TBC1D16: variants seen among roughly 807,000 people sequenced by gnomAD.
The protein encoded by TBC1D16 is TBC1 domain family member 16.
In TBC1D16, 58 loss-of-function variants were observed where a neutral mutation model predicts 74.7. The observed-to-expected ratio is 0.78, with a 90% CI of 0.63 to 0.97. The LOEUF (loss-of-function observed/expected upper bound fraction) is 0.97, where lower values mean the gene tolerates loss of function less well. Ranked by LOEUF, TBC1D16 falls within the 50% of genes least tolerant of loss-of-function variation. The pLI is 0.00. For synonymous variants in TBC1D16, 493 were observed against 474.7 expected (o/e 1.04, Z -0.50); for missense variants, 1,014 against 1,079.5 (o/e 0.94, Z 0.85).
At chr17:79,973,060 C>A (rs1276482239) in intron 3 of TBC1D16, among the ~76,000 whole-genome samples, 5 of 152,116 alleles carry the variant, frequency 3.3e-5, no homozygotes, top group Non-Finnish European at 7.4e-5. Context: ...CCAGCCTGGG[C>A]AACAGAGCGA....
chr17:79,992,710 A>C (rs1271929768), intron 3 of TBC1D16: 1 of 152,172 alleles, frequency 6.6e-6, no homozygotes, highest in Middle Eastern at 3.2e-3. Context: ...TCCTCCGGTG[A>C]CCACATATCT....
rs1262722757 is a variant in TBC1D16, at chr17:79,935,919, C to A, written c.*4940G>T. 1.3e-5 allele frequency: 2 copies of A among 151,882 alleles called. No individual in the cohort carries two copies. Among genetic ancestry groups the A allele is most frequent in the African/African-American group, 4.8e-5 (2 of 41,454 alleles). 9.4% of individuals were successfully genotyped at this position (151,882 alleles called of 1,614,324 possible). A position where few individuals can be genotyped will look rare whatever the true frequency, so the allele number is the denominator to read the frequency against. On this transcript the variant is annotated 3_prime_UTR_variant, in exon 12 of 12. Coordinates refer to ENST00000310924, the MANE Select transcript of TBC1D16 (RefSeq NM_019020.4). ...GAAAGATGGTTGCATGACTTGACCTCTCTTTGAACTTGAAATGCTACCTTC... is the reference window on the plus strand; with the variant it reads ...GAAAGATGGTTGCATGACTTGACCTATCTTTGAACTTGAAATGCTACCTTC...
At chr17:79,953,624 G>C (rs2033187650) in intron 3 of TBC1D16, among the ~76,000 whole-genome samples, 1 of 152,206 alleles carries the variant, frequency 6.6e-6, no homozygotes, top group African/African-American at 2.4e-5. Context: ...CTGTGCAGCT[G>C]TCTGCAGTTC....
chr17:79,991,518 G>A (rs2035056940), intron 3 of TBC1D16, among the ~76,000 whole-genome samples: 1 of 152,184 alleles, frequency 6.6e-6, no homozygotes, highest in East Asian at 1.9e-4. Context: ...TGACCAGGGG[G>A]ACCTGGCCCA....
chr17:79,941,565 C>T lies in TBC1D16; in HGVS notation c.2056-458G>A, dbSNP rs371845611. On this transcript the variant is annotated intron_variant, in intron 11 of 11. Coordinates refer to ENST00000310924, the MANE Select transcript of TBC1D16 (RefSeq NM_019020.4). This position sits in a 1 kb window ranked among gnomAD's most constrained non-coding sequence, Gnocchi z 4.3. ...CAGAGGACACCACCGACCTCGGGACCCCCGCTCAGTGCCCTGAGGACCACC... is the reference window on the plus strand; with the variant it reads ...CAGAGGACACCACCGACCTCGGGACTCCCGCTCAGTGCCCTGAGGACCACC... 6.6e-6 allele frequency among the ~76,000 whole-genome samples: 1 copy of T among 152,154 alleles called. No homozygotes were observed. The highest frequency in any genetic ancestry group is 1.5e-5 in the Non-Finnish European group (1 of 67,998).
At chr17:79,962,201 A>ATTTT (rs563506473) in intron 3 of TBC1D16, among the ~76,000 whole-genome samples, 3 of 64,922 alleles carry the variant, frequency 4.6e-5, no homozygotes, top group Non-Finnish European at 5.5e-5. Flanking sequence ...ATCTCAACCT[A>ATTTT]TTTTTTTTTT....
rs773023120 is a variant in TBC1D16 at position 79,948,858 on chromosome 17, T to C, written c.1541+14A>G. On this transcript the variant is annotated intron_variant, in intron 8 of 11. Transcript: ENST00000310924. ...ACTTGCAGATGGGAAAGGAGCTGGC[T>C]GGGGAGGGAGTACCTCATGCTCTCC... 7.4e-6 allele frequency: 12 copies of C among 1,613,894 alleles called. No individual in the cohort carries two copies. The highest frequency in any genetic ancestry group is 5.0e-5 in the Admixed American group (3 of 60,002).
intron 3 of TBC1D16, among the ~76,000 whole-genome samples, chr17:79,965,809 C>T (rs2033818308): frequency 1.3e-5 from 2 of 152,230 alleles, no homozygotes; most frequent in African/African-American, 2.4e-5. Context: ...CCACTTCTCC[C>T]CTTCACCCCT....
chr17:79,944,589 G>A lies in TBC1D16; in HGVS notation c.1908+319C>T, dbSNP rs1034793413. ...CTGGCTCACGCTCGTGGGCACCAGCGTCCTGGGCTGCTGTGGCCTAGTGTA... is the reference window on the plus strand; with the variant it reads ...CTGGCTCACGCTCGTGGGCACCAGCATCCTGGGCTGCTGTGGCCTAGTGTA... On this transcript the variant is annotated intron_variant, in intron 10 of 11. Transcript: ENST00000310924. The surrounding 1 kb of genome is among the most constrained non-coding windows in gnomAD (Gnocchi z 7.7). 6.6e-6 allele frequency among the ~76,000 whole-genome samples: 1 copy of A among 152,174 alleles called. No homozygotes were observed. Among genetic ancestry groups the A allele is most frequent in the Non-Finnish European group, 1.5e-5 (1 of 68,024 alleles).
Position 79,971,687 on chromosome 17 carries a change from AG to A in TBC1D16, c.780-18870del, listed in dbSNP as rs1350772980. ...TCTCTACAACAGTCAACTTCTCTCA[AG>A]GAAGACCTGAGGAAGCTGGTGCCCG... On this transcript the variant is annotated intron_variant, in intron 3 of 11. Transcript: ENST00000310924. The surrounding 1 kb of genome is among the most constrained non-coding windows in gnomAD (Gnocchi z 4.6). 2.6e-5 allele frequency among the ~76,000 whole-genome samples: 4 copies of A among 152,218 alleles called. No individual in the cohort carries two copies. The highest frequency in any genetic ancestry group is 5.9e-5 in the Non-Finnish European group (4 of 68,038).
rs2034467403 is a variant in TBC1D16, at chr17:79,979,136, G to T, written c.780-26318C>A. ...CACGCTCTCAGCCTGTCCATCAGCAGCACACCTGGGAGATTCTGCCCAACC... is the reference window on the plus strand; with the variant it reads ...CACGCTCTCAGCCTGTCCATCAGCATCACACCTGGGAGATTCTGCCCAACC... On this transcript the variant is annotated intron_variant, in intron 3 of 11. Coordinates refer to ENST00000310924, the MANE Select transcript of TBC1D16 (RefSeq NM_019020.4). This position sits in a 1 kb window ranked among gnomAD's most constrained non-coding sequence, Gnocchi z 4.8. 6.6e-6 allele frequency among the ~76,000 whole-genome samples: 1 copy of T among 152,234 alleles called. No individual in the cohort carries two copies. The highest frequency in any genetic ancestry group is 2.4e-5 in the African/African-American group (1 of 41,464).
chr17:79,974,151 G>A (rs1296085185), intron 3 of TBC1D16, among the ~76,000 whole-genome samples: 1 of 152,232 alleles, frequency 6.6e-6, no homozygotes, highest in Non-Finnish European at 1.5e-5. Flanking sequence ...GCGGGATGGA[G>A]GGGGAGGGTA....
rs1438236650 is a variant in TBC1D16 at position 79,985,980 on chromosome 17, C to T, written c.779+24180G>A. Among the ~76,000 whole-genome samples, 1 of 152,252 alleles carries T rather than the reference C, an allele frequency of 6.6e-6. No individual in the cohort carries two copies. Among genetic ancestry groups the T allele is most frequent in the Non-Finnish European group, 1.5e-5 (1 of 68,044 alleles). On this transcript the variant is annotated intron_variant, in intron 3 of 11. Transcript: ENST00000310924. The surrounding 1 kb of genome is among the most constrained non-coding windows in gnomAD (Gnocchi z 4.9). ...TGAAAAACCATTTTTCCCAACGAAA[C>T]TCTTCTGCCAGGCGGCATAAGGGGC...
In TBC1D16 at chr17:79,983,007, C is replaced by T. The variant is rs549339415; in HGVS notation, c.779+27153G>A. On this transcript the variant is annotated intron_variant, in intron 3 of 11. Coordinates refer to ENST00000310924, the MANE Select transcript of TBC1D16 (RefSeq NM_019020.4). The surrounding 1 kb of genome is among the most constrained non-coding windows in gnomAD (Gnocchi z 5.6). The stretch of plus-strand genomic sequence containing the variant: ...TGAACCTGCGTCATCCACGTTTGTG[C>T]GGAATCCCTGTGTGTGTGCACACGC... 9.8e-5 allele frequency among the ~76,000 whole-genome samples: 15 copies of T among 152,324 alleles called. No individual in the cohort carries two copies. In the South Asian group the frequency reaches 1.0e-3, roughly 11 times the overall value.
rs1039927574 is a variant in TBC1D16 at position 79,937,400 on chromosome 17, C to G, written c.*3459G>C. 1 of 144,830 alleles carries G rather than the reference C, an allele frequency of 6.9e-6. No individual in the cohort carries two copies. Among genetic ancestry groups the G allele is most frequent in the Non-Finnish European group, 1.5e-5 (1 of 65,200 alleles). The allele number at this position is 144,830 out of a possible 1,614,324, so 9.0% of individuals were successfully genotyped here. On this transcript the variant is annotated 3_prime_UTR_variant, in exon 12 of 12. Transcript: ENST00000310924. ...AGCATCTTCATCTTGTCCTGATGCCCTGCCCACCCCCGCCGAGCTTCACAC... is the reference window on the plus strand; with the variant it reads ...AGCATCTTCATCTTGTCCTGATGCCGTGCCCACCCCCGCCGAGCTTCACAC...
rs1023494663 is a variant in TBC1D16 at position 79,961,599 on chromosome 17, C to G, written c.780-8781G>C. Reference sequence around the variant, plus strand: ...AGAACTGGCCAGGCACAGTGGCTCACGCCTATAATCCCAGCACTTTGGGAG... The same window carrying G: ...AGAACTGGCCAGGCACAGTGGCTCAGGCCTATAATCCCAGCACTTTGGGAG... On this transcript the variant is annotated intron_variant, in intron 3 of 11. Transcript: ENST00000310924. The surrounding 1 kb of genome is among the most constrained non-coding windows in gnomAD (Gnocchi z 4.8). Among the ~76,000 whole-genome samples, 6 of 152,244 alleles carry G rather than the reference C, an allele frequency of 3.9e-5. No individual in the cohort carries two copies. Among genetic ancestry groups the G allele is most frequent in the Admixed American group, 3.9e-4 (6 of 15,286 alleles).
At chr17:79,962,697 G>A (rs2033670655) in intron 3 of TBC1D16, among the ~76,000 whole-genome samples, 1 of 151,876 alleles carries the variant, frequency 6.6e-6, no homozygotes, top group Non-Finnish European at 1.5e-5. Context: ...ACTTTGGGAG[G>A]CTGAGGTGGG....
intron 3 of TBC1D16, among the ~76,000 whole-genome samples, chr17:79,995,884 A>T (rs530468998): frequency 2.6e-5 from 4 of 152,332 alleles, no homozygotes; most frequent in Non-Finnish European, 4.4e-5. Flanking sequence ...CACAACTCAT[A>T]ACCTGGACTT....
chr17:79,963,507 G>GCT (rs560854130), intron 3 of TBC1D16, among the ~76,000 whole-genome samples: 62 of 152,310 alleles, frequency 4.1e-4, no homozygotes, highest in African/African-American at 1.5e-3. Flanking sequence ...TTGACGGGTT[G>GCT]CTCTATGTTC....
Sources: allele counts gnomAD v4.1 joint callset (sites outside exome capture counted in the v4.1 genomes callset), GRCh38; gene constraint gnomAD v4.1.1; non-coding constraint Gnocchi (gnomAD v3.1); transcripts MANE v1.5; gene names NCBI Gene and HGNC (gene_info 2026-07-23, HGNC 2026-07-21).